PHF21B: variants seen among roughly 807,000 people sequenced by gnomAD.
The protein encoded by PHF21B is PHD finger protein 21B.
In PHF21B, 22 loss-of-function variants were observed where a neutral mutation model predicts 62.2. The observed-to-expected ratio is 0.35, with a 90% confidence interval of 0.25 to 0.51. PHF21B has a LOEUF of 0.51. PHF21B is among the 20% of genes least tolerant of loss of function. PHF21B has a pLI of 0.97. For synonymous variants in PHF21B, 341 were observed against 314.7 expected (o/e 1.08, Z -0.88); for missense variants, 701 against 707.9 (o/e 0.99, Z 0.11).
intron 2 of PHF21B, among the ~76,000 whole-genome samples, chr22:44,925,782 C>T (rs572808684): frequency 6.6e-6 from 1 of 152,202 alleles, no homozygotes; most frequent in South Asian, 2.1e-4. Flanking sequence ...TGGGGATTGT[C>T]CTCCCCATTA....
In PHF21B at chr22:44,893,481, G is replaced by A. The variant is rs1569210820; in HGVS notation, c.936C>T (p.Ala312=). ...CCTCGGTCTCCAGGAGGCCGCTGTA[G>A]GCAGGGTTGGCTGTGCTTCTTCTCT... ...ERKRRSTANP[A]YSGLLETERK... Residue 312 remains alanine, a synonymous_variant, in exon 7 of 13, where the codon GCC becomes GCT. Coordinates refer to ENST00000313237, the MANE Select transcript of PHF21B (RefSeq NM_138415.5). The A allele has an allele frequency of 6.2e-7, 1 of 1,602,568 alleles. No homozygotes were observed.
chr22:44,980,630 G>A (rs558981908), intron 2 of PHF21B, among the ~76,000 whole-genome samples: 87 of 152,336 alleles, frequency 5.7e-4, no homozygotes, highest in African/African-American at 2.0e-3. Flanking sequence ...GGGCAGCTGC[G>A]AAGCTTCCAA....
chr22:45,004,565 G>A (rs1321732443), intron 2 of PHF21B, among the ~76,000 whole-genome samples: 1 of 152,204 alleles, frequency 6.6e-6, no homozygotes, highest in South Asian at 2.1e-4. Context: ...TCAACAATGA[G>A]AACTGGCACT....
At chr22:44,903,678 C>CA (rs1213860244) in intron 5 of PHF21B, among the ~76,000 whole-genome samples, 1 of 152,180 alleles carries the variant, frequency 6.6e-6, no homozygotes, top group African/African-American at 2.4e-5. Context: ...TAGGTTGGTG[C>CA]AAAGTAATTG....
intron 2 of PHF21B, among the ~76,000 whole-genome samples, chr22:44,980,980 T>A (rs1337668654): frequency 6.6e-6 from 1 of 152,228 alleles, no homozygotes; most frequent in Non-Finnish European, 1.5e-5. Flanking sequence ...CACCTTGCTG[T>A]GCTGCTTTCA....
intron 2 of PHF21B, among the ~76,000 whole-genome samples, chr22:44,985,461 G>A (rs1344624176): frequency 6.6e-6 from 1 of 152,142 alleles, no homozygotes; most frequent in African/African-American, 2.4e-5. Flanking sequence ...TTAACTGGGT[G>A]TGGTGGCTCA....
At chr22:44,949,728 G>A (rs136709) in intron 2 of PHF21B, among the ~76,000 whole-genome samples, 4,464 of 152,262 alleles carry the variant, frequency 0.029, 156 homozygotes, top group African/African-American at 0.084. Context: ...GAGAAGACGT[G>A]TGTGTACCGC....
chr22:44,942,495 C>T (rs1263066083), intron 2 of PHF21B, among the ~76,000 whole-genome samples: 1 of 152,214 alleles, frequency 6.6e-6, no homozygotes, highest in Non-Finnish European at 1.5e-5. Context: ...CCACTGAACA[C>T]ACAGGGAAAC....
intron 2 of PHF21B, among the ~76,000 whole-genome samples, chr22:44,930,429 G>T (rs2071717983): frequency 6.6e-6 from 1 of 151,926 alleles, no homozygotes; most frequent in Admixed American, 6.5e-5. Flanking sequence ...AAATATGCAT[G>T]AAGGAGACAG....
chr22:44,905,013 G>T (rs1324012986), intron 5 of PHF21B, among the ~76,000 whole-genome samples: 1 of 152,134 alleles, frequency 6.6e-6, no homozygotes, highest in Admixed American at 6.5e-5. Context: ...TCTTTGACAT[G>T]AATCTCTAGC....
At chr22:44,978,922 A>C (rs1251649379) in intron 2 of PHF21B, among the ~76,000 whole-genome samples, 1 of 152,224 alleles carries the variant, frequency 6.6e-6, no homozygotes, top group Non-Finnish European at 1.5e-5. Flanking sequence ...ATCCCAGGTG[A>C]GGCAGGCCCA....
intron 5 of PHF21B, among the ~76,000 whole-genome samples, chr22:44,899,827 T>G (rs2071126306): frequency 6.6e-6 from 1 of 152,228 alleles, no homozygotes; most frequent in Non-Finnish European, 1.5e-5. Flanking sequence ...GTGATATTTT[T>G]ACCTTAATTT....
rs368052392 is a variant in PHF21B, at chr22:44,925,098, GCAAA to G, written c.121-4612_121-4609del. On this transcript the variant is annotated intron_variant, in intron 2 of 12. Transcript: ENST00000313237. ...CTAGTTATACGAAATTCTGAAAATG[GCAAA>G]CAAAGTGACAGAAAATAAATCCCAG... 1.9e-3 allele frequency among the ~76,000 whole-genome samples: 285 copies of G among 152,258 alleles called. 1 individual carries two copies. Among genetic ancestry groups the G allele is most frequent in the African/African-American group, 6.3e-3 (261 of 41,540 alleles).
intron 2 of PHF21B, among the ~76,000 whole-genome samples, chr22:44,956,433 C>T (rs2072298760): frequency 6.6e-6 from 1 of 152,220 alleles, no homozygotes; most frequent in Non-Finnish European, 1.5e-5. Flanking sequence ...TCATCTGCAG[C>T]CCCATTAGGG....
chr22:44,926,925 G>C (rs1165564579), intron 2 of PHF21B, among the ~76,000 whole-genome samples: 1 of 152,164 alleles, frequency 6.6e-6, no homozygotes, highest in Non-Finnish European at 1.5e-5. Context: ...GGTGTGCACA[G>C]CTCTGCTTCC....
At chr22:44,894,619 C>T (rs2071024960) in intron 6 of PHF21B, among the ~76,000 whole-genome samples, 1 of 152,172 alleles carries the variant, frequency 6.6e-6, no homozygotes, top group South Asian at 2.1e-4. Context: ...TACAAAGGAA[C>T]CTTGGCTGGA....
At chr22:44,937,478 A>G (rs190468397) in intron 2 of PHF21B, among the ~76,000 whole-genome samples, 5 of 152,330 alleles carry the variant, frequency 3.3e-5, no homozygotes, top group Non-Finnish European at 7.4e-5. Flanking sequence ...AAACCACTGC[A>G]GGAGTGGGAG....
intron 2 of PHF21B, among the ~76,000 whole-genome samples, chr22:44,956,158 C>T (rs1357941861): frequency 6.6e-6 from 1 of 152,184 alleles, no homozygotes; most frequent in East Asian, 1.9e-4. Flanking sequence ...GCACAAGCAA[C>T]GTCCCACCAG....
chr22:44,881,199 A>G lies in PHF21B; in HGVS notation c.*1887T>C, dbSNP rs576987032. On this transcript the variant is annotated 3_prime_UTR_variant, in exon 13 of 13. Coordinates refer to ENST00000313237, the MANE Select transcript of PHF21B (RefSeq NM_138415.5). ...GATCGAGTTTAATACATTGTAAAGAAGGAAAACTACATTGGCGTATTTAAG... is the reference window on the plus strand; with the variant it reads ...GATCGAGTTTAATACATTGTAAAGAGGGAAAACTACATTGGCGTATTTAAG... The G allele has an allele frequency of 1.3e-5, 2 of 152,802 alleles. No homozygotes were observed. Among genetic ancestry groups the G allele is most frequent in the African/African-American group, 4.8e-5 (2 of 41,586 alleles). 9.5% of individuals were successfully genotyped at this position (152,802 alleles called of 1,614,324 possible).
Sources: allele counts gnomAD v4.1 joint callset (sites outside exome capture counted in the v4.1 genomes callset), GRCh38; gene constraint gnomAD v4.1.1; transcripts MANE v1.5; gene names NCBI Gene and HGNC (gene_info 2026-07-23, HGNC 2026-07-21).